BTN2A1: variants seen among roughly 807,000 people sequenced by gnomAD.
BTN2A1 encodes butyrophilin, subfamily 2, member A1.
BTN2A1 carries 41 observed loss-of-function variants against 34.5 expected under a neutral mutation model. That is an observed-to-expected ratio of 1.19 (90% CI 0.93 to 1.54). BTN2A1 has a LOEUF of 1.54. BTN2A1 is among the 40% of genes most tolerant of loss of function. The pLI, the probability that BTN2A1 is intolerant of heterozygous loss-of-function variation, is 0.00. For missense variants in BTN2A1, 642 were observed against 662.0 expected (o/e 0.97, Z 0.33); for synonymous variants, 267 against 258.6 (o/e 1.03, Z -0.31).
chr6:26,473,147 G>C (rs567705121), downstream of BTN2A1, among the ~76,000 whole-genome samples: 1 of 152,072 alleles, frequency 6.6e-6, no homozygotes, highest in South Asian at 2.1e-4. Context: ...ACTGTCTTCA[G>C]CTTGGAGGTG....
At chr6:26,469,758 T>C (rs1763417199), downstream of BTN2A1, 1 of 152,200 alleles carries the variant, frequency 6.6e-6, no homozygotes, top group Non-Finnish European at 1.5e-5. Context: ...AAGAAAACTT[T>C]ATCCTAGTGA....
intron 3 of BTN2A1, 136 bp downstream of exon 3, chr6:26,459,964 A>C: frequency 7.1e-6 from 1 of 140,320 alleles, no homozygotes; most frequent in Non-Finnish European, 1.2e-5. Flanking sequence ...TGGAAACGGA[A>C]TTCCAGGGAA....
At chr6:26,471,915 T>A (rs1381819253), downstream of BTN2A1, among the ~76,000 whole-genome samples, 1 of 152,170 alleles carries the variant, frequency 6.6e-6, no homozygotes, top group South Asian at 2.1e-4. Flanking sequence ...CTTTCCTATA[T>A]GTTTGAAGAG....
At position 26,468,724 on chromosome 6, in the gene BTN2A1, C is replaced by G; in HGVS notation, c.*175C>G. 1 of 1,612,740 alleles carries G rather than the reference C, an allele frequency of 6.2e-7. No individual in the cohort carries two copies. Among genetic ancestry groups the G allele is most frequent in the Non-Finnish European group, 8.5e-7 (1 of 1,179,658 alleles). ...CTCAGCCCCAGTTTTCTCCTCCTCACTAGGCTGTGTTTTTAGTAGTTCCTT... is the reference window on the plus strand; with the variant it reads ...CTCAGCCCCAGTTTTCTCCTCCTCAGTAGGCTGTGTTTTTAGTAGTTCCTT... On this transcript the variant is annotated 3_prime_UTR_variant, in exon 8 of 8. Transcript: ENST00000312541.
chr6:26,458,339 A>G (rs1055793872), intron 1 of BTN2A1, among the ~76,000 whole-genome samples, 197 bp downstream of exon 1: 1 of 152,206 alleles, frequency 6.6e-6, no homozygotes, highest in African/African-American at 2.4e-5. Context: ...AGGGTGTGGT[A>G]GAATCCAGCG....
rs370143700 is a variant in BTN2A1, at chr6:26,463,297, C to T, written c.484C>T (p.Arg162Trp). Reference sequence around the variant, plus strand: ...GAGGGGCCATGAAGACGGGGGCATCCGGCTGGAGTGCATATCTAGAGGGTG... The same window carrying T: ...GAGGGGCCATGAAGACGGGGGCATCTGGCTGGAGTGCATATCTAGAGGGTG... ...SMRGHEDGGIRLECISRGWYP... is the reference protein window; with the variant it reads ...SMRGHEDGGIWLECISRGWYP... The change falls in exon 4 of 8, where the codon CGG becomes TGG. Residue 162 changes from arginine (R) to tryptophan (W), a missense_variant. Coordinates refer to ENST00000312541, the MANE Select transcript of BTN2A1 (RefSeq NM_007049.5). The T allele has an allele frequency of 2.8e-5, 45 of 1,613,596 alleles. No individual in the cohort carries two copies. Among genetic ancestry groups the T allele is most frequent in the South Asian group, 8.8e-5 (8 of 91,066 alleles).
exon 8 of BTN2A1, chr6:26,476,512 A>C: frequency 2.8e-6 from 1 of 362,590 alleles, no homozygotes; most frequent in East Asian, 6.2e-5. Context: ...TAAAGTATAA[A>C]AAGAAGCTGG....
intron 7 of BTN2A1, among the ~76,000 whole-genome samples, chr6:26,467,396 C>G (rs1763344210): frequency 6.6e-6 from 1 of 152,228 alleles, no homozygotes. Context: ...ACTGCAACCT[C>G]TGCCTCCCGG....
In BTN2A1 at chr6:26,476,004, T is replaced by C. The variant is rs1763531777; in HGVS notation, c.983-118T>C. On this transcript the variant is annotated intron_variant, in intron 7 of 7. Transcript: ENST00000469185. ...TTCCTGACTGACTCATTGCTGAAAGTAAATAACATATTATTATAGTTGAAA... is the reference window on the plus strand; with the variant it reads ...TTCCTGACTGACTCATTGCTGAAAGCAAATAACATATTATTATAGTTGAAA... 1.0e-5 allele frequency: 9 copies of C among 877,938 alleles called. No individual in the cohort carries two copies. The East Asian group carries it at 2.4e-4, about 23-fold the overall frequency. 54.4% of individuals were successfully genotyped at this position (877,938 alleles called of 1,614,324 possible).
In BTN2A1 at chr6:26,468,111, T is replaced by G; in HGVS notation, c.1146T>G (p.Ala382=). Residue 382 remains alanine (A), a synonymous_variant, in exon 8 of 8, where the codon GCT becomes GCG. Coordinates refer to ENST00000312541, the MANE Select transcript of BTN2A1 (RefSeq NM_007049.5). ...GTGTCCTAGGCCGGGAGAGCTTCGC[T>G]TCAGGGAAACATTACTGGGAGGTGG... ...QPCVLGRESF[A]SGKHYWEVEV... The G allele has an allele frequency of 6.2e-7, 1 of 1,614,172 alleles. No homozygotes were observed. The highest frequency in any genetic ancestry group is 8.5e-7 in the Non-Finnish European group (1 of 1,180,018).
Position 26,459,700 on chromosome 6 carries a change from A to G in BTN2A1, c.302A>G (p.Lys101Arg). The G allele has an allele frequency of 6.2e-7, 1 of 1,614,152 alleles. No individual in the cohort carries two copies. The highest frequency in any genetic ancestry group is 8.5e-7 in the Non-Finnish European group (1 of 1,180,018). ...EYRGRTTFVS[K>R]DISRGSVALV... is the part of the protein sequence containing the mutation. ...CGAGGAAGAACCACCTTTGTGAGCA[A>G]AGACATCAGCAGGGGCAGCGTGGCC... The change falls in exon 3 of 8, where the codon AAA becomes AGA. Residue 101 changes from lysine (K) to arginine (R), a missense_variant. Lys to Arg is a conservative substitution (Grantham distance 26, BLOSUM62 2). Transcript: ENST00000312541.
At position 26,458,758 on chromosome 6, in the gene BTN2A1, A is replaced by T. The variant is rs774410521; in HGVS notation, c.82+40A>T. 7 of 1,603,936 alleles carry T rather than the reference A, an allele frequency of 4.4e-6. No homozygotes were observed. In the Middle Eastern group the frequency reaches 6.6e-4, roughly 151 times the overall value. On this transcript the variant is annotated intron_variant, in intron 2 of 7. Coordinates refer to ENST00000312541, the MANE Select transcript of BTN2A1 (RefSeq NM_007049.5). ...CACTTGCTGCTGTCACCTATCAGAA[A>T]GGAACATCAACCCTGTAGTCTGCAA...
rs772724912 is a variant in BTN2A1, at chr6:26,458,661, T to C, written c.25T>C (p.Phe9Leu). 4.1e-5 allele frequency: 66 copies of C among 1,613,976 alleles called. No individual in the cohort carries two copies. Among genetic ancestry groups the C allele is most frequent in the Non-Finnish European group, 5.3e-5 (62 of 1,179,998 alleles). Residue 9 changes from phenylalanine to leucine, a missense_variant, in exon 2 of 8, where the codon TTC (phenylalanine) becomes CTC (leucine). Coordinates refer to ENST00000312541, the MANE Select transcript of BTN2A1 (RefSeq NM_007049.5). ...CATGGAATCAGCTGCTGCCCTGCAC[T>C]TCTCCCGGCCAGCCTCCCTCCTCCT... MESAAALH[F>L]SRPASLLLLL...
At chr6:26,462,880 C>A in intron 3 of BTN2A1, 1 of 1,276,718 alleles carries the variant, frequency 7.8e-7, no homozygotes, top group Non-Finnish European at 1.0e-6. Context: ...AAGTTGGAGT[C>A]GACACACCCA....
intron 5 of BTN2A1, chr6:26,465,678 C>T: frequency 2.3e-6 from 1 of 428,370 alleles, no homozygotes; most frequent in Non-Finnish European, 3.1e-6. Flanking sequence ...TGGAATGAAT[C>T]TCTCAGAGCT....
At position 26,468,598 on chromosome 6, in the gene BTN2A1, A is replaced by G. The variant is rs1179705256; in HGVS notation, c.*49A>G. On this transcript the variant is annotated 3_prime_UTR_variant, in exon 8 of 8. Coordinates refer to ENST00000312541, the MANE Select transcript of BTN2A1 (RefSeq NM_007049.5). ...CATGTAGACAAGCCCTGGTCATCTC[A>G]GCAGCCACCGCACAACACCCCTGGT... The G allele has an allele frequency of 1.2e-6, 2 of 1,614,108 alleles. No homozygotes were observed. Among genetic ancestry groups the G allele is most frequent in the Admixed American group, 1.7e-5 (1 of 60,018 alleles).
Position 26,468,224 on chromosome 6 carries a change from G to A in BTN2A1, c.1259G>A (p.Gly420Asp), listed in dbSNP as rs201014136. Residue 420 changes from glycine to aspartate, a missense_variant, in exon 8 of 8, where the codon GGC (glycine) becomes GAC (aspartate). Coordinates refer to ENST00000312541, the MANE Select transcript of BTN2A1 (RefSeq NM_007049.5). Reference protein sequence around the residue: ...KGEVLLIPQNGFWTLEMHKGQ... With the variant: ...KGEVLLIPQNDFWTLEMHKGQ... The stretch of plus-strand genomic sequence containing the variant: ...GAGGTCCTGCTGATTCCTCAGAATG[G>A]CTTCTGGACCTTGGAGATGCATAAA... 1 of 1,614,210 alleles carries A rather than the reference G, an allele frequency of 6.2e-7. No individual in the cohort carries two copies. The highest frequency in any genetic ancestry group is 2.2e-5 in the East Asian group (1 of 44,882).
chr6:26,465,121 A>G, intron 4 of BTN2A1, 64 bp from the exon 5 acceptor site: 1 of 1,412,568 alleles, frequency 7.1e-7, no homozygotes, highest in Non-Finnish European at 1.0e-6. Context: ...GTGTGCTCCT[A>G]GGGGCACTCT....
At chr6:26,463,077 A>G (rs374536452) in intron 3 of BTN2A1, among the ~76,000 whole-genome samples, 167 bp from the exon 4 acceptor site, 1 of 152,130 alleles carries the variant, frequency 6.6e-6, no homozygotes, top group East Asian at 1.9e-4. Flanking sequence ...TCCAACATCA[A>G]TGTTCTTTCT....
Sources: gnomAD v4.1 joint callset for allele counts (sites outside exome capture counted in the v4.1 genomes callset) on GRCh38, gnomAD v4.1.1 for gene constraint, MANE v1.5 for transcripts, NCBI Gene and HGNC (gene_info 2026-07-23, HGNC 2026-07-21) for gene names.